GRID1: variants seen among roughly 807,000 people sequenced by gnomAD.
The protein encoded by GRID1 is glutamate receptor ionotropic, delta-1.
GRID1 carries 28 observed loss-of-function variants against 98.0 expected under a neutral mutation model. The ratio of observed to expected loss-of-function variants is 0.29; its 90% CI spans 0.21 to 0.39. The LOEUF is 0.39. Among genes scored for constraint, GRID1 ranks in the 10% least tolerant of loss-of-function variants. The pLI is 1.00. For synonymous variants in GRID1, 553 were observed against 538.5 expected, an observed-to-expected ratio of 1.03 and a Z score of -0.37; for missense variants, 1,111 against 1,340.5, an observed-to-expected ratio of 0.83 and a Z score of 2.67.
Position 86,332,381 on chromosome 10 carries a change from A to G in GRID1, c.235+31560T>C, listed in dbSNP as rs117500292. ...CAGCGGCATGAGGTATGAAGGGTCC[A>G]ACCCTCTCCCTGCAGCTCAGAACGC... On this transcript the variant is annotated intron_variant, in intron 2 of 15. Coordinates refer to ENST00000327946, the MANE Select transcript of GRID1 (RefSeq NM_017551.3). Among the ~76,000 whole-genome samples, 231 of 152,206 alleles carry G rather than the reference A, an allele frequency of 1.5e-3. 2 individuals carry two copies. The highest frequency in any genetic ancestry group is 0.013 in the East Asian group (69 of 5,142).
At chr10:85,888,624 G>A (rs1196758747) in intron 5 of GRID1, among the ~76,000 whole-genome samples, 1 of 152,210 alleles carries the variant, frequency 6.6e-6, no homozygotes, top group Non-Finnish European at 1.5e-5. Context: ...CCTCTGGCTG[G>A]TTGGTTATTT....
chr10:86,183,595 G>A (rs1013672862), intron 3 of GRID1, among the ~76,000 whole-genome samples: 2 of 152,196 alleles, frequency 1.3e-5, no homozygotes, highest in African/African-American at 4.8e-5. Flanking sequence ...CTGACCTCAA[G>A]TGATCCACCT....
chr10:85,737,666 AT>A (rs1358549213), intron 8 of GRID1, among the ~76,000 whole-genome samples: 5 of 134,016 alleles, frequency 3.7e-5, no homozygotes, highest in Non-Finnish European at 6.4e-5. Flanking sequence ...ATATATATAT[AT>A]ATATATAAAC....
chr10:85,697,071 T>G (rs1841402457), intron 12 of GRID1, among the ~76,000 whole-genome samples: 1 of 152,158 alleles, frequency 6.6e-6, no homozygotes, highest in Admixed American at 6.5e-5. Flanking sequence ...GAATGTTTCA[T>G]GCACACTAAA....
chr10:85,828,283 G>A (rs1490370561), intron 8 of GRID1, among the ~76,000 whole-genome samples: 4 of 152,098 alleles, frequency 2.6e-5, no homozygotes, highest in Non-Finnish European at 5.9e-5. Flanking sequence ...CTGGGACACA[G>A]CTAAAGCAGT....
intron 3 of GRID1, among the ~76,000 whole-genome samples, chr10:86,162,221 A>G (rs1210288152): frequency 2.0e-5 from 3 of 152,174 alleles, no homozygotes; most frequent in Non-Finnish European, 2.9e-5. Flanking sequence ...CCAGGCAGCA[A>G]GGCCCAGGGA....
At chr10:85,773,478 A>G (rs1235220211) in intron 8 of GRID1, among the ~76,000 whole-genome samples, 3 of 152,362 alleles carry the variant, frequency 2.0e-5, no homozygotes, top group East Asian at 1.9e-4. Flanking sequence ...GGCCAGGGCA[A>G]TTAGGCAAGA....
chr10:85,785,448 T>C (rs752236579), intron 8 of GRID1, among the ~76,000 whole-genome samples: 1 of 152,184 alleles, frequency 6.6e-6, no homozygotes, highest in Non-Finnish European at 1.5e-5. Flanking sequence ...AAGTGGGGAC[T>C]AGGAAGGGGC....
At position 86,363,984 on chromosome 10, in the gene GRID1, G is replaced by A. The variant is rs1232382115; in HGVS notation, c.192C>T (p.Ile64=). The change falls in exon 2 of 16, where the codon ATC becomes ATT. Residue 64 remains isoleucine (I), a synonymous_variant. Coordinates refer to ENST00000327946, the MANE Select transcript of GRID1 (RefSeq NM_017551.3). ...ATGGGTTGTTGGCCTCGATGACCTTGATGGAGTAGGTGATCTTCTCGCTCT... is the reference window on the plus strand; with the variant it reads ...ATGGGTTGTTGGCCTCGATGACCTTAATGGAGTAGGTGATCTTCTCGCTCT... The part of the protein sequence containing the change: ...ILQSEKITYS[I]KVIEANNPFQ... 1.9e-6 allele frequency: 3 copies of A among 1,614,034 alleles called. No homozygotes were observed. Among genetic ancestry groups the A allele is most frequent in the East Asian group, 2.2e-5 (1 of 44,880 alleles).
intron 13 of GRID1, among the ~76,000 whole-genome samples, chr10:85,639,663 C>T (rs770956071): frequency 2.0e-4 from 31 of 152,080 alleles, no homozygotes; most frequent in Non-Finnish European, 3.8e-4. Context: ...CACCTGAGGT[C>T]GGGAGTTTGA....
At chr10:86,219,195 C>T (rs1040758744) in intron 2 of GRID1, among the ~76,000 whole-genome samples, 3 of 152,210 alleles carry the variant, frequency 2.0e-5, no homozygotes, top group African/African-American at 7.2e-5. Context: ...TGGCCTGAAG[C>T]CTGCCAATGG....
chr10:85,675,050 A>G (rs1028635878), intron 12 of GRID1, among the ~76,000 whole-genome samples: 4 of 152,212 alleles, frequency 2.6e-5, no homozygotes, highest in Admixed American at 2.6e-4. Context: ...GAGACCGTCC[A>G]TCAGGTTCAA....
intron 12 of GRID1, 123 bp downstream of exon 12, chr10:85,722,880 C>G: frequency 3.2e-6 from 2 of 622,016 alleles, no homozygotes. Context: ...CTAAAGATTC[C>G]AGGAGACCAT....
chr10:86,301,831 G>A (rs1186697654), intron 2 of GRID1, among the ~76,000 whole-genome samples: 1 of 152,244 alleles, frequency 6.6e-6, no homozygotes, highest in Admixed American at 6.5e-5. Flanking sequence ...ATTAAAAAGA[G>A]CAGATGTTCA....
Position 86,366,347 on chromosome 10 carries a change from C to G in GRID1, c.46G>C (p.Val16Leu), listed in dbSNP as rs775358531. The change falls in exon 1 of 16, where the codon GTG (valine) becomes CTG (leucine). Residue 16 changes from valine to leucine, a missense_variant. This residue lies in a region of GRID1 where 346 missense variants were observed against 452.3 expected (regional missense o/e 0.76). Transcript: ENST00000327946. This position sits in a 1 kb window ranked among gnomAD's most constrained non-coding sequence, Gnocchi z 4.1. The part of the protein sequence containing the change: ...LWLLPWICQC[V>L]SVRADSIIHI... ...ATGATGGAGTCGGCCCGCACCGACA[C>G]GCACTGGCATATCCAGGGGAGAAGC... is the stretch of plus-strand genomic sequence containing the variant. 1.3e-6 allele frequency: 2 copies of G among 1,522,152 alleles called. No homozygotes were observed. Among genetic ancestry groups the G allele is most frequent in the Non-Finnish European group, 1.8e-6 (2 of 1,133,266 alleles). The allele number at this position is 1,522,152 out of a possible 1,614,324, so 94.3% of individuals were successfully genotyped here.
intron 8 of GRID1, among the ~76,000 whole-genome samples, chr10:85,746,861 T>C (rs2132680855): frequency 6.6e-6 from 1 of 152,334 alleles, no homozygotes; most frequent in South Asian, 2.1e-4. Context: ...TCTTAAGCTG[T>C]TAAATGTTGG....
chr10:85,951,207 C>T (rs188607851), intron 4 of GRID1, among the ~76,000 whole-genome samples: 250 of 152,316 alleles, frequency 1.6e-3, no homozygotes, highest in African/African-American at 5.3e-3. Flanking sequence ...CCATGAGAAC[C>T]AGACTCTGGG....
chr10:85,750,507 T>C (rs865861254), intron 8 of GRID1, among the ~76,000 whole-genome samples: 5 of 152,206 alleles, frequency 3.3e-5, no homozygotes, highest in African/African-American at 7.2e-5. Context: ...CTAGCAAGCA[T>C]GGAAATATGT....
chr10:86,069,759 G>A (rs1210351241), intron 4 of GRID1, among the ~76,000 whole-genome samples: 1 of 152,210 alleles, frequency 6.6e-6, no homozygotes, highest in South Asian at 2.1e-4. Flanking sequence ...AGATGTCCGG[G>A]AAGTTACAAG....
Sources: allele counts gnomAD v4.1 joint callset (sites outside exome capture counted in the v4.1 genomes callset), GRCh38; gene constraint gnomAD v4.1.1; regional missense constraint gnomAD v4.1.1; non-coding constraint Gnocchi (gnomAD v3.1); transcripts MANE v1.5; gene names NCBI Gene and HGNC (gene_info 2026-07-23, HGNC 2026-07-21).